Variants in THOC7 observed in about 807,000 individuals in gnomAD.
The protein encoded by THOC7 is NIF3L1-binding protein 1.
A neutral mutation model predicts 33.1 loss-of-function variants in THOC7; 22 were observed. The observed-to-expected ratio is 0.66, with a 90% CI of 0.47 to 0.95. The LOEUF (loss-of-function observed/expected upper bound fraction) is 0.95. Ranked by LOEUF, THOC7 falls within the 40% of genes least tolerant of loss-of-function variation. The pLI is 0.00. For synonymous variants in THOC7, 77 were observed against 76.8 expected (o/e 1.00, Z -0.01); for missense variants, 184 against 245.3 (o/e 0.75, Z 1.67).
chr3:63,842,040 G>C (rs1195111608), intron 1 of THOC7, among the ~76,000 whole-genome samples: 1 of 152,182 alleles, frequency 6.6e-6, no homozygotes, highest in Non-Finnish European at 1.5e-5. Context: ...CCTGGGGAGT[G>C]AGTGCCCTGA....
intron 1 of THOC7, among the ~76,000 whole-genome samples, chr3:63,853,610 T>C (rs990261818): frequency 6.6e-6 from 1 of 152,232 alleles, no homozygotes; most frequent in African/African-American, 2.4e-5. Context: ...CTTATGTTTA[T>C]GTTAAATTTA....
rs1298993365 is a variant in THOC7, at chr3:63,838,030, C to G, written c.298G>C (p.Ala100Pro). ...CSIAGAHEKI[A>P]ECKKQILQAK... Reference sequence around the variant, plus strand: ...TGAAGAATTTGCTTTTTGCACTCAGCAATTTTTTCATGTGCTCCAGCTATG... The same window carrying G: ...TGAAGAATTTGCTTTTTGCACTCAGGAATTTTTTCATGTGCTCCAGCTATG... The change falls in exon 4 of 8, where the codon GCT (alanine) becomes CCT (proline). Residue 100 changes from alanine (A) to proline (P), a missense_variant. Around this residue, in one of 3 missense-constraint regions of THOC7, gnomAD observed 157 missense variants for 201.3 expected, o/e 0.78. Transcript: ENST00000295899. 8.7e-6 allele frequency: 14 copies of G among 1,609,018 alleles called. No homozygotes were observed. Among genetic ancestry groups the G allele is most frequent in the Non-Finnish European group, 1.2e-5 (14 of 1,178,144 alleles).
At chr3:63,844,089 A>G (rs572115135) in intron 1 of THOC7, among the ~76,000 whole-genome samples, 2 of 152,350 alleles carry the variant, frequency 1.3e-5, no homozygotes, top group African/African-American at 4.8e-5. Flanking sequence ...TAGGTGAAAT[A>G]AGGCAGGCAC....
chr3:63,849,995 A>G (rs538914237), intron 1 of THOC7, among the ~76,000 whole-genome samples: 1 of 152,354 alleles, frequency 6.6e-6, no homozygotes, highest in South Asian at 2.1e-4. Context: ...AGAGACAATC[A>G]AACTGCAAAT....
chr3:63,842,043 T>C (rs568775876), intron 1 of THOC7, among the ~76,000 whole-genome samples: 1 of 152,058 alleles, frequency 6.6e-6, no homozygotes, highest in Non-Finnish European at 1.5e-5. Context: ...GGGGAGTGAG[T>C]GCCCTGATTG....
chr3:63,848,024 C>A (rs991375553), intron 1 of THOC7, among the ~76,000 whole-genome samples: 1 of 152,176 alleles, frequency 6.6e-6, no homozygotes, highest in Non-Finnish European at 1.5e-5. Flanking sequence ...GATCTTAAGA[C>A]TGACCAAACA....
intron 5 of THOC7, 112 bp from the exon 6 acceptor site, chr3:63,835,502 T>A: frequency 1.1e-6 from 1 of 896,798 alleles, no homozygotes; most frequent in Non-Finnish European, 1.7e-6. Flanking sequence ...AAAGGGCTTA[T>A]AAGGAGTTAT....
intron 5 of THOC7, 26 bp downstream of exon 5, chr3:63,836,275 C>T (rs780300919): frequency 1.2e-6 from 2 of 1,605,698 alleles, no homozygotes; most frequent in African/African-American, 1.3e-5. Flanking sequence ...AGGTTAGTTC[C>T]TTTCAAAGTA....
intron 1 of THOC7, among the ~76,000 whole-genome samples, chr3:63,848,852 G>C (rs1370508139): frequency 6.6e-6 from 1 of 151,936 alleles, no homozygotes; most frequent in Non-Finnish European, 1.5e-5. Flanking sequence ...GCTATCTATA[G>C]CTTACAGCAA....
chr3:63,863,797 CGCGGCGGCGGCGGCGGCG>C (rs546741642), exon 1 of THOC7: 2 of 1,245,640 alleles, frequency 1.6e-6, no homozygotes, highest in African/African-American at 1.6e-5. Context: ...CCATGGCGTG[CGCGGCGGCGGCGGCGGCG>C]GCGGCGGCGC....
intron 5 of THOC7, among the ~76,000 whole-genome samples, 168 bp from the exon 6 acceptor site, chr3:63,835,558 C>A (rs1156555052): frequency 6.6e-6 from 1 of 152,086 alleles, no homozygotes; most frequent in Non-Finnish European, 1.5e-5. Context: ...ATGATTTCTT[C>A]TTAACTTCTA....
At chr3:63,841,306 A>G (rs931015609) in intron 1 of THOC7, among the ~76,000 whole-genome samples, 5 of 152,234 alleles carry the variant, frequency 3.3e-5, no homozygotes, top group Admixed American at 1.3e-4. Context: ...ATTTCTGGTA[A>G]GAGGGACTAC....
Position 63,863,390 on chromosome 3 carries a change from C to T in THOC7, c.19+382G>A, listed in dbSNP as rs929695200. Reference sequence around the variant, plus strand: ...ACCCTTCGCGGCTCCTGGGTCCTCACCGCGCCCCTAGACAAACCCGGACTC... The same window carrying T: ...ACCCTTCGCGGCTCCTGGGTCCTCATCGCGCCCCTAGACAAACCCGGACTC... On this transcript the variant is annotated intron_variant, in intron 1 of 7. Transcript: ENST00000295899. 2.9e-6 allele frequency: 3 copies of T among 1,018,460 alleles called. No homozygotes were observed. In the South Asian group the frequency reaches 1.4e-4, roughly 48 times the overall value. The allele number at this position is 1,018,460 out of a possible 1,614,324, so 63.1% of individuals were successfully genotyped here.
Position 63,838,419 on chromosome 3 carries a change from ATATCATATAC to A in THOC7, c.208_217del (p.Val70Ter). ...ATAATTTTCCATTTCTCTGAGATTCATATCATATACTAGTAAAGTTTTGCCCATTGAAAAT... is the reference window on the plus strand; with the variant it reads ...ATAATTTTCCATTTCTCTGAGATTCATAGTAAAGTTTTGCCCATTGAAAAT... On this transcript the variant is annotated frameshift_variant, in exon 3 of 8. Transcript: ENST00000295899. LOFTEE classifies it high-confidence loss of function. 1.9e-6 allele frequency: 3 copies of A among 1,595,124 alleles called. No individual in the cohort carries two copies. The highest frequency in any genetic ancestry group is 2.6e-6 in the Non-Finnish European group (3 of 1,166,830).
intron 4 of THOC7, among the ~76,000 whole-genome samples, chr3:63,837,074 A>G (rs547131189): frequency 1.4e-4 from 22 of 152,206 alleles, no homozygotes; most frequent in South Asian, 6.2e-4. Flanking sequence ...AAAAGAGGAA[A>G]TTAAGCTTCA....
chr3:63,855,844 G>C (rs1313960789), intron 1 of THOC7, among the ~76,000 whole-genome samples: 1 of 152,206 alleles, frequency 6.6e-6, no homozygotes, highest in Non-Finnish European at 1.5e-5. Context: ...TCTAAATGCA[G>C]TTTGGCAAAA....
chr3:63,861,779 G>C (rs991670924), intron 1 of THOC7: 5 of 140,780 alleles, frequency 3.6e-5, no homozygotes, highest in Non-Finnish European at 6.1e-5. Context: ...GAGACAGTGT[G>C]TATGTGTGTG....
At chr3:63,840,774 T>C (rs1214243440) in intron 1 of THOC7, among the ~76,000 whole-genome samples, 4 of 152,198 alleles carry the variant, frequency 2.6e-5, no homozygotes, top group Admixed American at 2.0e-4. Flanking sequence ...AACTATCAGA[T>C]TGGCAAAAGA....
chr3:63,863,457 G>A, intron 1 of THOC7: 1 of 1,144,578 alleles, frequency 8.7e-7, no homozygotes, highest in Non-Finnish European at 1.1e-6. Flanking sequence ...TAGCCGTCTC[G>A]GCCACCCACG....
Sources: gnomAD v4.1 joint callset for allele counts (sites outside exome capture counted in the v4.1 genomes callset) on GRCh38, gnomAD v4.1.1 for gene constraint, gnomAD v4.1.1 regional missense constraint, MANE v1.5 for transcripts, NCBI Gene and HGNC (gene_info 2026-07-23, HGNC 2026-07-21) for gene names.